CATSPERE: variants seen among roughly 807,000 people sequenced by gnomAD.
The protein encoded by CATSPERE is cation channel sperm-associated auxiliary subunit epsilon.
In CATSPERE, 93 loss-of-function variants were observed where a neutral mutation model predicts 114.1. The observed-to-expected ratio is 0.81, with a 90% CI of 0.69 to 0.97. The LOEUF (loss-of-function observed/expected upper bound fraction) is 0.97, where lower values mean the gene tolerates loss of function less well. Ranked by LOEUF, CATSPERE falls within the 50% of genes least tolerant of loss-of-function variation. CATSPERE has a pLI of 0.00. For synonymous variants in CATSPERE, 341 were observed against 384.1 expected (o/e 0.89, Z 1.31); for missense variants, 1,058 against 1,131.6 (o/e 0.93, Z 0.93).
At chr1:244,499,361 A>G (rs555189015) in intron 7 of CATSPERE, among the ~76,000 whole-genome samples, 2 of 152,272 alleles carry the variant, frequency 1.3e-5, no homozygotes, top group Admixed American at 6.5e-5. Context: ...GTTCAGAGAT[A>G]TATGTACAGA....
chr1:244,520,713 A>G (rs577089675), intron 8 of CATSPERE, among the ~76,000 whole-genome samples: 1 of 152,282 alleles, frequency 6.6e-6, no homozygotes, highest in Non-Finnish European at 1.5e-5. Context: ...TTGTCCGTAC[A>G]TATCCCTAGG....
rs753397416 is a variant in CATSPERE at position 244,560,966 on chromosome 1, A to G, written c.1328A>G (p.Asp443Gly). The G allele has an allele frequency of 7.4e-6, 12 of 1,614,034 alleles. No homozygotes were observed. The highest frequency in any genetic ancestry group is 1.0e-5 in the Non-Finnish European group (12 of 1,180,006). The stretch of plus-strand genomic sequence containing the variant: ...GACTTTACATTAGATGCCCCTATTG[A>G]CAGTGTTACCATGCCACATTTTACA... The part of the protein sequence containing the change: ...SQDFTLDAPI[D>G]SVTMPHFTFS... Residue 443 changes from aspartate (D) to glycine (G), a missense_variant, in exon 10 of 22, where the codon GAC (aspartate) becomes GGC (glycine). By Grantham distance (94) the Asp-to-Gly change is moderately conservative. Around this residue, in one of 2 missense-constraint regions of CATSPERE, gnomAD observed 787 missense variants for 905.6 expected, o/e 0.87. Coordinates refer to ENST00000366534, the MANE Select transcript of CATSPERE (RefSeq NM_001130957.2).
intron 2 of CATSPERE, among the ~76,000 whole-genome samples, chr1:244,468,917 C>CAG (rs1558312361): frequency 6.6e-6 from 1 of 151,704 alleles, no homozygotes; most frequent in Non-Finnish European, 1.5e-5. Context: ...GACCCTGTTT[C>CAG]AGAGAGAGAG....
At chr1:244,612,961 T>C (rs1670935641) in intron 19 of CATSPERE, among the ~76,000 whole-genome samples, 1 of 152,224 alleles carries the variant, frequency 6.6e-6, no homozygotes, top group South Asian at 2.1e-4. Flanking sequence ...CAGTGATATC[T>C]TTCTGGCAGT....
chr1:244,517,214 A>T (rs939873684), intron 7 of CATSPERE, among the ~76,000 whole-genome samples: 2 of 151,904 alleles, frequency 1.3e-5, no homozygotes, highest in Non-Finnish European at 2.9e-5. Context: ...TTAATCAAAA[A>T]ATATATATTT....
intron 7 of CATSPERE, among the ~76,000 whole-genome samples, chr1:244,508,449 C>A (rs569287477): frequency 6.6e-6 from 1 of 151,512 alleles, no homozygotes; most frequent in Non-Finnish European, 1.5e-5. Flanking sequence ...TATAGGCACC[C>A]GCCACCACGC....
rs7538455 is a variant in CATSPERE at position 244,571,293 on chromosome 1, C to T, written c.1508-1037C>T. ...TGTAAGATGCATAAACACAACACAG[C>T]CTGAACCTCCCTGACTTGATGAATT... is the stretch of plus-strand genomic sequence containing the variant. On this transcript the variant is annotated intron_variant, in intron 10 of 21. Coordinates refer to ENST00000366534, the MANE Select transcript of CATSPERE (RefSeq NM_001130957.2). 3.9e-3 allele frequency among the ~76,000 whole-genome samples: 599 copies of T among 152,302 alleles called. 1 individual carries two copies. Among genetic ancestry groups the T allele is most frequent in the African/African-American group, 0.014 (573 of 41,564 alleles).
At chr1:244,546,544 G>C (rs1659782239) in intron 8 of CATSPERE, among the ~76,000 whole-genome samples, 1 of 152,142 alleles carries the variant, frequency 6.6e-6, no homozygotes, top group Non-Finnish European at 1.5e-5. Context: ...CAACATAACT[G>C]TTTTAAGGAA....
chr1:244,514,762 G>T (rs1315403363), intron 7 of CATSPERE, among the ~76,000 whole-genome samples: 2 of 150,138 alleles, frequency 1.3e-5, no homozygotes, highest in African/African-American at 4.9e-5. Flanking sequence ...CCGGGAGGTG[G>T]AGCTTGCAGT....
At chr1:244,462,251 C>A (rs1666943446) in intron 1 of CATSPERE, among the ~76,000 whole-genome samples, 1 of 152,156 alleles carries the variant, frequency 6.6e-6, no homozygotes, top group Non-Finnish European at 1.5e-5. Flanking sequence ...AGCACATGTC[C>A]ATCTGCACAC....
intron 8 of CATSPERE, among the ~76,000 whole-genome samples, chr1:244,524,603 A>G (rs1012453968): frequency 6.6e-6 from 1 of 152,038 alleles, no homozygotes; most frequent in African/African-American, 2.4e-5. Context: ...ACAAAGGGCT[A>G]ATATCCAGAA....
intron 9 of CATSPERE, among the ~76,000 whole-genome samples, chr1:244,559,312 A>G (rs1321200942): frequency 6.6e-6 from 1 of 152,196 alleles, no homozygotes; most frequent in Non-Finnish European, 1.5e-5. Context: ...ATTTAGCAAA[A>G]TGACCTTTTA....
At chr1:244,626,931 CTT>C (rs1179826171) in intron 20 of CATSPERE, among the ~76,000 whole-genome samples, 1 of 152,204 alleles carries the variant, frequency 6.6e-6, no homozygotes, top group Non-Finnish European at 1.5e-5. Context: ...CCTTCAAAAA[CTT>C]TGCATTCACG....
chr1:244,572,901 T>C, intron 11 of CATSPERE, 129 bp downstream of exon 11: 1 of 686,380 alleles, frequency 1.5e-6, no homozygotes, highest in South Asian at 3.0e-5. Context: ...GAGTTTTTAA[T>C]AAATAAAAAC....
At chr1:244,624,915 C>T (rs914236811) in intron 20 of CATSPERE, among the ~76,000 whole-genome samples, 1 of 152,196 alleles carries the variant, frequency 6.6e-6, no homozygotes, top group Non-Finnish European at 1.5e-5. Context: ...TCAGGCTCCA[C>T]TTCTAATTCT....
chr1:244,618,874 G>T (rs78403265), intron 20 of CATSPERE, among the ~76,000 whole-genome samples: 343 of 152,310 alleles, frequency 2.3e-3, no homozygotes, highest in African/African-American at 7.8e-3. Flanking sequence ...AGGCCTAGTG[G>T]CAGTAAGAAT....
chr1:244,585,897 T>G (rs1316756927), intron 13 of CATSPERE, among the ~76,000 whole-genome samples: 2 of 152,220 alleles, frequency 1.3e-5, no homozygotes, highest in African/African-American at 4.8e-5. Context: ...AGGGCCTTAG[T>G]AAATCCTTCC....
intron 9 of CATSPERE, among the ~76,000 whole-genome samples, chr1:244,558,618 A>T (rs1343005800): frequency 6.6e-6 from 1 of 152,062 alleles, no homozygotes; most frequent in African/African-American, 2.4e-5. Context: ...CAACCTTCGA[A>T]ATCCTTGGGA....
At chr1:244,457,314 T>C (rs1206455595), upstream of CATSPERE, among the ~76,000 whole-genome samples, 1 of 152,232 alleles carries the variant, frequency 6.6e-6, no homozygotes, top group Non-Finnish European at 1.5e-5. Context: ...CTATAAAGTT[T>C]ATGAAAATCT....
Sources: gnomAD v4.1 joint callset for allele counts (sites outside exome capture counted in the v4.1 genomes callset) on GRCh38, gnomAD v4.1.1 for gene constraint, gnomAD v4.1.1 regional missense constraint, MANE v1.5 for transcripts, NCBI Gene and HGNC (gene_info 2026-07-23, HGNC 2026-07-21) for gene names.